SOX5: variants seen among roughly 807,000 people sequenced by gnomAD.
SOX5 encodes the protein transcription factor SOX-5.
SOX5 carries 9 observed loss-of-function variants against 92.0 expected under a neutral mutation model. The ratio of observed to expected loss-of-function variants is 0.10; its 90% CI spans 0.06 to 0.17. The LOEUF is 0.17. SOX5 is among the 10% of genes least tolerant of loss of function. SOX5 has a pLI of 1.00. For synonymous variants in SOX5, 344 were observed against 336.3 expected (o/e 1.02, Z -0.25); for missense variants, 642 against 944.5 (o/e 0.68, Z 4.20).
At chr12:24,174,729 G>C (rs1164156385) in intron 4 of SOX5, among the ~76,000 whole-genome samples, 1 of 152,016 alleles carries the variant, frequency 6.6e-6, no homozygotes, top group African/African-American at 2.4e-5. Flanking sequence ...GCTGAGGAAG[G>C]AGAATCGCTT....
At chr12:24,198,375 T>G (rs1380963047) in intron 4 of SOX5, among the ~76,000 whole-genome samples, 1 of 152,236 alleles carries the variant, frequency 6.6e-6, no homozygotes, top group Non-Finnish European at 1.5e-5. Flanking sequence ...AGTCCTCTTT[T>G]TCATACAACT....
chr12:23,722,185 C>T (rs1047011322), intron 6 of SOX5, among the ~76,000 whole-genome samples: 1 of 152,170 alleles, frequency 6.6e-6, no homozygotes, highest in Non-Finnish European at 1.5e-5. Flanking sequence ...GAACTTACAG[C>T]TCAGTAAAGC....
chr12:24,243,204 T>A (rs2140084602), intron 3 of SOX5, among the ~76,000 whole-genome samples: 1 of 152,300 alleles, frequency 6.6e-6, no homozygotes, highest in Non-Finnish European at 1.5e-5. Flanking sequence ...TACCTGATCC[T>A]ACAACACATA....
At chr12:24,141,999 A>G (rs956506447) in intron 4 of SOX5, among the ~76,000 whole-genome samples, 1 of 152,000 alleles carries the variant, frequency 6.6e-6, no homozygotes, top group Non-Finnish European at 1.5e-5. Flanking sequence ...GTACTAAAAT[A>G]TCCAGGATCA....
chr12:23,550,952 T>C (rs980681556), intron 11 of SOX5, among the ~76,000 whole-genome samples: 3 of 151,948 alleles, frequency 2.0e-5, no homozygotes, highest in Non-Finnish European at 4.4e-5. Context: ...AGTAGATAAG[T>C]CATCTATTAC....
chr12:24,049,102 A>C (rs1463460425), intron 4 of SOX5, among the ~76,000 whole-genome samples: 1 of 152,230 alleles, frequency 6.6e-6, no homozygotes, highest in Non-Finnish European at 1.5e-5. Context: ...CCTGAGGAAC[A>C]AATAGGTAGC....
chr12:24,458,188 T>A (rs1297014048), intron 1 of SOX5, among the ~76,000 whole-genome samples: 1 of 152,202 alleles, frequency 6.6e-6, no homozygotes, highest in South Asian at 2.1e-4. Context: ...TCTGGCAACG[T>A]ATCCTAAATT....
chr12:24,300,030 C>G (rs1211442532), intron 2 of SOX5, among the ~76,000 whole-genome samples: 1 of 152,052 alleles, frequency 6.6e-6, no homozygotes, highest in African/African-American at 2.4e-5. Context: ...GGAACTTCAA[C>G]AAGAAAAAAA....
chr12:23,640,715 G>C, intron 8 of SOX5, 97 bp downstream of exon 8: 1 of 807,910 alleles, frequency 1.2e-6, no homozygotes, highest in Non-Finnish European at 2.1e-6. Flanking sequence ...AGTGTGAGAC[G>C]AATATCACGA....
In SOX5 at chr12:24,098,788, G is replaced by A. The variant is rs546467742; in HGVS notation, c.-2+114555C>T. Among the ~76,000 whole-genome samples the A allele has an allele frequency of 2.0e-5, 3 of 152,192 alleles. No homozygotes were observed. The South Asian group carries it at 6.2e-4, about 32-fold the overall frequency. ...AGCTCCTGAACACATACTTACCAAG[G>A]GTAGAGGTAAGTAGGAGCTAATTCC... On this transcript the variant is annotated intron_variant, in intron 4 of 4. Coordinates refer to the SOX5 transcript ENST00000446891.
chr12:24,094,988 A>T (rs907906361), intron 4 of SOX5, among the ~76,000 whole-genome samples: 3 of 152,098 alleles, frequency 2.0e-5, no homozygotes, highest in African/African-American at 7.2e-5. Flanking sequence ...GAAATCATGT[A>T]CAAGTACATC....
At chr12:23,545,243 C>A (rs547332486) in intron 12 of SOX5, among the ~76,000 whole-genome samples, 3 of 152,248 alleles carry the variant, frequency 2.0e-5, no homozygotes, top group Admixed American at 6.5e-5. Flanking sequence ...ACTGGTTTGC[C>A]TTTGTGCACT....
intron 3 of SOX5, among the ~76,000 whole-genome samples, chr12:24,263,660 G>C (rs949923496): frequency 6.6e-6 from 1 of 151,450 alleles, no homozygotes; most frequent in South Asian, 2.1e-4. Flanking sequence ...TAAGCATATC[G>C]TTAAAATAAA....
intron 1 of SOX5, among the ~76,000 whole-genome samples, chr12:23,897,834 G>A (rs1389583017): frequency 6.6e-6 from 1 of 152,118 alleles, no homozygotes; most frequent in East Asian, 1.9e-4. Context: ...CAAAGAGGAG[G>A]AAATAGGGGC....
intron 3 of SOX5, among the ~76,000 whole-genome samples, chr12:24,226,658 T>A (rs956016213): frequency 1.3e-5 from 2 of 151,590 alleles, no homozygotes; most frequent in African/African-American, 4.8e-5. Context: ...TTTAGTAGAG[T>A]TGGGGTTTCA....
Position 24,393,728 on chromosome 12 carries a change from C to T in SOX5, c.-250-25089G>A, listed in dbSNP as rs540816139. On this transcript the variant is annotated intron_variant, in intron 1 of 4. Coordinates refer to the SOX5 transcript ENST00000446891. This position sits in a 1 kb window ranked among gnomAD's most constrained non-coding sequence, Gnocchi z 5.0. ...TTTTCTATTCTTTAAAAAATTATGA[C>T]ACAATACTATCTTCCATTTGGGGAT... Among the ~76,000 whole-genome samples the T allele has an allele frequency of 2.6e-5, 4 of 152,216 alleles. No homozygotes were observed. Among genetic ancestry groups the T allele is most frequent in the Non-Finnish European group, 4.4e-5 (3 of 68,002 alleles).
chr12:23,577,191 A>ATTT (rs1175798388), intron 9 of SOX5, among the ~76,000 whole-genome samples: 11 of 61,382 alleles, frequency 1.8e-4, no homozygotes, highest in African/African-American at 3.4e-4. Context: ...ATATATATAT[A>ATTT]TTTTTTTTTT....
In SOX5 at chr12:24,303,951, C is replaced by A. The variant is rs118126364; in HGVS notation, c.-173-26639G>T. Among the ~76,000 whole-genome samples the A allele has an allele frequency of 4.1e-3, 619 of 152,138 alleles. 22 individuals are homozygous for A. The South Asian group carries it at 0.063, about 16-fold the overall frequency. ...AAGACAATTGTTCAATTATATGTTC[C>A]ACTAAAACATAATGTTGAGGCTACA... On this transcript the variant is annotated intron_variant, in intron 2 of 4. Coordinates refer to the SOX5 transcript ENST00000446891.
intron 2 of SOX5, among the ~76,000 whole-genome samples, chr12:24,324,663 A>G (rs1386948331): frequency 6.6e-6 from 1 of 152,156 alleles, no homozygotes; most frequent in Non-Finnish European, 1.5e-5. Context: ...ATCTATGCTC[A>G]TAGTCTTTTC....
Sources: allele counts gnomAD v4.1 joint callset (sites outside exome capture counted in the v4.1 genomes callset), GRCh38; gene constraint gnomAD v4.1.1; non-coding constraint Gnocchi (gnomAD v3.1); transcripts MANE v1.5; gene names NCBI Gene and HGNC (gene_info 2026-07-23, HGNC 2026-07-21).